The following ADAMTS2 variants were observed in gnomAD, a reference collection of about 807,000 sequenced individuals.
The protein encoded by ADAMTS2 is A disintegrin and metalloproteinase with thrombospondin motifs 2.
ADAMTS2 carries 50 observed loss-of-function variants against 123.0 expected under a neutral mutation model. That is an observed-to-expected ratio of 0.41 (90% confidence interval 0.32 to 0.51). The LOEUF is 0.51. Ranked by LOEUF, ADAMTS2 falls within the 20% of genes least tolerant of loss-of-function variation. The pLI is 0.35. For synonymous variants in ADAMTS2, 678 were observed against 695.4 expected, an observed-to-expected ratio of 0.98 and a Z score of 0.39; for missense variants, 1,494 against 1,705.2, an observed-to-expected ratio of 0.88 and a Z score of 2.18.
intron 3 of ADAMTS2, among the ~76,000 whole-genome samples, chr5:179,245,796 C>CAAAACAAAACAAAA: frequency 1.4e-5 from 1 of 73,784 alleles, no homozygotes; most frequent in South Asian, 5.0e-4. Context: ...AAAAAAAAAA[C>CAAAACAAAACAAAA]AAAAAAAACA....
chr5:179,127,082 G>A (rs1762873402), intron 17 of ADAMTS2, among the ~76,000 whole-genome samples: 1 of 152,234 alleles, frequency 6.6e-6, no homozygotes, highest in Admixed American at 6.5e-5. Flanking sequence ...GGAAGAGAGA[G>A]ACATTGTCTG....
intron 4 of ADAMTS2, among the ~76,000 whole-genome samples, chr5:179,194,249 T>C (rs1325941395): frequency 6.6e-6 from 1 of 151,928 alleles, no homozygotes. Context: ...AGAGGTGAGA[T>C]CCACCCACAA....
At position 179,260,412 on chromosome 5, in the gene ADAMTS2, G is replaced by A. The variant is rs1381625095; in HGVS notation, c.688+12499C>T. Among the ~76,000 whole-genome samples, 2 of 152,174 alleles carry A rather than the reference G, an allele frequency of 1.3e-5. No homozygotes were observed. The highest frequency in any genetic ancestry group is 2.4e-5 in the African/African-American group (1 of 41,444). ...CGAAGCTAACGTGCTAAGTGACCTG[G>A]AGACACATCCTCACTCACCCTCGCT... On this transcript the variant is annotated intron_variant, in intron 3 of 21. Transcript: ENST00000251582. This position sits in a 1 kb window ranked among gnomAD's most constrained non-coding sequence, Gnocchi z 4.2.
chr5:179,302,379 C>CAAAAA (rs1166990772), intron 2 of ADAMTS2, among the ~76,000 whole-genome samples: 2 of 38,194 alleles, frequency 5.2e-5, no homozygotes, highest in African/African-American at 1.1e-4. Flanking sequence ...AAGACCGTCT[C>CAAAAA]AAAAAAAAAA....
At chr5:179,231,749 G>A (rs970411191) in intron 3 of ADAMTS2, among the ~76,000 whole-genome samples, 7 of 151,872 alleles carry the variant, frequency 4.6e-5, no homozygotes, top group Non-Finnish European at 7.4e-5. Context: ...AGTCTTCTCG[G>A]TGCAGTGAAT....
intron 2 of ADAMTS2, among the ~76,000 whole-genome samples, chr5:179,319,689 C>T (rs1272104019): frequency 6.6e-6 from 1 of 152,030 alleles, no homozygotes; most frequent in Non-Finnish European, 1.5e-5. Context: ...CAGCCCTCCC[C>T]ATCCACACTC....
At position 179,180,954 on chromosome 5, in the gene ADAMTS2, G is replaced by T; in HGVS notation, c.975+118C>A. ...TCTTATAGGAACCTCAGGGGAGCCA[G>T]GGAGAGGCAGGGTGGTTCTGGCAAA... is the stretch of plus-strand genomic sequence containing the variant. On this transcript the variant is annotated intron_variant, in intron 5 of 21. Transcript: ENST00000251582. This position sits in a 1 kb window ranked among gnomAD's most constrained non-coding sequence, Gnocchi z 4.6. 1 of 754,878 alleles carries T rather than the reference G, an allele frequency of 1.3e-6. No individual in the cohort carries two copies. Among genetic ancestry groups the T allele is most frequent in the Non-Finnish European group, 2.3e-6 (1 of 426,740 alleles). The allele number at this position is 754,878 out of a possible 1,614,324, so 46.8% of individuals were successfully genotyped here. A position where few individuals can be genotyped will look rare whatever the true frequency, so the allele number is the denominator to read the frequency against.
At chr5:179,258,983 C>T (rs563149744) in intron 3 of ADAMTS2, among the ~76,000 whole-genome samples, 24 of 152,318 alleles carry the variant, frequency 1.6e-4, no homozygotes, top group African/African-American at 5.5e-4. Flanking sequence ...ATCCAGGCCG[C>T]AGTCTCTCCC....
rs374889359 is a variant in ADAMTS2, at chr5:179,113,955, C to A, written c.3548G>T (p.Arg1183Leu). ...TCTGGTCTTTTCATAGGGGCTCGGT[C>A]GTCGAGGGATTAGGTTGGGTGGCTG... The part of the protein sequence containing the change: ...EVQPPNLIPR[R>L]PSPYEKTRNQ... Residue 1183 changes from arginine to leucine, a missense_variant, in exon 22 of 22, where the codon CGA becomes CTA. Physicochemically the swap from Arg to Leu is moderately radical, Grantham distance 102 (BLOSUM62 -2). Coordinates refer to ENST00000251582, the MANE Select transcript of ADAMTS2 (RefSeq NM_014244.5). 1 of 1,614,082 alleles carries A rather than the reference C, an allele frequency of 6.2e-7. No individual in the cohort carries two copies. Among genetic ancestry groups the A allele is most frequent in the East Asian group, 2.2e-5 (1 of 44,882 alleles).
At chr5:179,290,825 G>A (rs1391892748) in intron 2 of ADAMTS2, among the ~76,000 whole-genome samples, 2 of 152,194 alleles carry the variant, frequency 1.3e-5, no homozygotes, top group Non-Finnish European at 2.9e-5. Flanking sequence ...AGGGATCGGG[G>A]AGCAAGTACA....
At chr5:179,331,417 G>A (rs1288062219) in intron 2 of ADAMTS2, among the ~76,000 whole-genome samples, 1 of 38,948 alleles carries the variant, frequency 2.6e-5, no homozygotes, top group Non-Finnish European at 5.3e-5. Context: ...GAGGGGGAAG[G>A]GAGGGAGAGG....
intron 11 of ADAMTS2, 127 bp downstream of exon 11, chr5:179,139,763 C>A: frequency 7.0e-7 from 1 of 1,424,592 alleles, no homozygotes; most frequent in Non-Finnish European, 9.6e-7. Flanking sequence ...GGCGGGGCAG[C>A]CTGCCCTGCA....
chr5:179,209,221 G>T (rs548593358), intron 3 of ADAMTS2, among the ~76,000 whole-genome samples: 1 of 152,236 alleles, frequency 6.6e-6, no homozygotes, highest in Non-Finnish European at 1.5e-5. Context: ...CCGTTTTACA[G>T]ATGGGGAGAC....
Position 179,132,190 on chromosome 5 carries a change from A to G in ADAMTS2, c.2290+40T>C. On this transcript the variant is annotated intron_variant, in intron 15 of 21. Transcript: ENST00000251582. The surrounding 1 kb of genome is among the most constrained non-coding windows in gnomAD (Gnocchi z 6.1). ...TCTGCCCATTGATCCCAGAGGAGCC[A>G]GGTCCTGAGGACGTCAAGTTGTCCG... is the stretch of plus-strand genomic sequence containing the variant. 1 of 1,591,978 alleles carries G rather than the reference A, an allele frequency of 6.3e-7. No homozygotes were observed. The highest frequency in any genetic ancestry group is 8.6e-7 in the Non-Finnish European group (1 of 1,161,210).
chr5:179,200,128 C>T (rs1764527487), intron 4 of ADAMTS2, among the ~76,000 whole-genome samples: 2 of 151,878 alleles, frequency 1.3e-5, no homozygotes, highest in African/African-American at 4.8e-5. Flanking sequence ...GTGTTCCCCA[C>T]TGGTAATATC....
intron 10 of ADAMTS2, among the ~76,000 whole-genome samples, chr5:179,141,141 G>T (rs2113225674): frequency 6.6e-6 from 1 of 152,206 alleles, no homozygotes; most frequent in African/African-American, 2.4e-5. Context: ...ACCCTTCTTT[G>T]TATGACCTAA....
At chr5:179,286,628 C>T (rs1756028361) in intron 2 of ADAMTS2, among the ~76,000 whole-genome samples, 1 of 152,204 alleles carries the variant, frequency 6.6e-6, no homozygotes, top group Non-Finnish European at 1.5e-5. Flanking sequence ...CCCACATCCA[C>T]CAGGAGATGC....
At chr5:179,120,524 G>A (rs1162892839) in intron 21 of ADAMTS2, 1 of 152,274 alleles carries the variant, frequency 6.6e-6, no homozygotes, top group Non-Finnish European at 1.5e-5. Flanking sequence ...TCAGAGCCGC[G>A]GGAGTAGGGG....
chr5:179,328,233 C>T (rs1312550559), intron 2 of ADAMTS2, among the ~76,000 whole-genome samples: 3 of 152,182 alleles, frequency 2.0e-5, no homozygotes, highest in Non-Finnish European at 2.9e-5. Context: ...GGGGTTTCAC[C>T]GTGTTAGCCA....
Sources: gnomAD v4.1 joint callset for allele counts (sites outside exome capture counted in the v4.1 genomes callset) on GRCh38, gnomAD v4.1.1 for gene constraint, Gnocchi (gnomAD v3.1) non-coding constraint, MANE v1.5 for transcripts, NCBI Gene and HGNC (gene_info 2026-07-23, HGNC 2026-07-21) for gene names.